Variants in TMEM131 observed in about 807,000 individuals in gnomAD.
TMEM131 encodes the protein 2610524E03Rik.
TMEM131 carries 66 observed loss-of-function variants against 211.6 expected under a neutral mutation model. That is an observed-to-expected ratio of 0.31 (90% confidence interval 0.26 to 0.38). The LOEUF is 0.38. Among genes scored for constraint, TMEM131 ranks in the 10% least tolerant of loss-of-function variants. The pLI, the probability that TMEM131 is intolerant of heterozygous loss-of-function variation, is 1.00. For synonymous variants in TMEM131, 844 were observed against 841.3 expected (o/e 1.00, Z -0.06); for missense variants, 2,036 against 2,299.3 (o/e 0.89, Z 2.34).
intron 1 of TMEM131, among the ~76,000 whole-genome samples, chr2:97,928,908 C>T (rs1362953635): frequency 1.3e-5 from 2 of 151,680 alleles, no homozygotes; most frequent in African/African-American, 4.9e-5. Flanking sequence ...GAAACATATA[C>T]ATTATTACAT....
At chr2:97,827,275 G>C in intron 11 of TMEM131, 4 of 782,358 alleles carry the variant, frequency 5.1e-6, no homozygotes, top group Non-Finnish European at 9.5e-6. Context: ...CAGCTCCGCT[G>C]AAGCCGCTGC....
intron 2 of TMEM131, among the ~76,000 whole-genome samples, chr2:97,921,342 A>G (rs1388253345): frequency 6.6e-6 from 1 of 152,238 alleles, no homozygotes; most frequent in African/African-American, 2.4e-5. Flanking sequence ...CATCAATAAC[A>G]AAAATTTATT....
chr2:97,765,514 T>C (rs918075356), intron 35 of TMEM131, among the ~76,000 whole-genome samples: 2 of 152,208 alleles, frequency 1.3e-5, no homozygotes, highest in Non-Finnish European at 2.9e-5. Flanking sequence ...GCTGCTCCCT[T>C]TTCTGGTCTC....
chr2:97,950,323 C>T (rs1289219088), intron 1 of TMEM131, among the ~76,000 whole-genome samples: 4 of 152,180 alleles, frequency 2.6e-5, no homozygotes, highest in East Asian at 1.9e-4. Context: ...TAAAAAGCTA[C>T]GTACCTAAGA....
chr2:97,873,434 C>T (rs1333617773), intron 4 of TMEM131, among the ~76,000 whole-genome samples: 2 of 152,200 alleles, frequency 1.3e-5, no homozygotes, highest in Non-Finnish European at 2.9e-5. Flanking sequence ...GGGTCCCTGA[C>T]CGCCGTGTAT....
chr2:97,964,291 G>C (rs1367212693), intron 1 of TMEM131, among the ~76,000 whole-genome samples: 2 of 152,174 alleles, frequency 1.3e-5, no homozygotes, highest in Admixed American at 6.5e-5. Context: ...TTTTATACTG[G>C]ATTTATTCAA....
chr2:97,920,161 C>T (rs574598102), intron 2 of TMEM131, among the ~76,000 whole-genome samples: 1 of 152,338 alleles, frequency 6.6e-6, no homozygotes, highest in African/African-American at 2.4e-5. Context: ...GCATCACAGT[C>T]TGAGACTCTC....
Position 97,762,176 on chromosome 2 carries a change from GA to G in TMEM131, c.4747del (p.Ser1583LeufsTer11). The G allele has an allele frequency of 6.2e-7, 1 of 1,614,016 alleles. No homozygotes were observed. The highest frequency in any genetic ancestry group is 8.5e-7 in the Non-Finnish European group (1 of 1,179,878). ...AATGTCTGCGTTGAGGGTTTGCAGAGAAAGTTTATAAAGACTATCAGTAGCT... is the reference window on the plus strand; with the variant it reads ...AATGTCTGCGTTGAGGGTTTGCAGAGAAGTTTATAAAGACTATCAGTAGCT... The part of the protein sequence containing the change: ...GSSTDSLYKL[S>X]LQTLNADIFL... On this transcript the variant is annotated frameshift_variant, in exon 36 of 41. Coordinates refer to ENST00000186436, the MANE Select transcript of TMEM131 (RefSeq NM_015348.2). LOFTEE classifies it high-confidence loss of function.
chr2:97,805,923 G>A (rs1005220202), intron 19 of TMEM131, among the ~76,000 whole-genome samples: 7 of 152,262 alleles, frequency 4.6e-5, no homozygotes, highest in Admixed American at 2.0e-4. Context: ...AAATCAGGAG[G>A]ACAAATCTTT....
intron 4 of TMEM131, among the ~76,000 whole-genome samples, chr2:97,875,701 G>A (rs1477107801): frequency 5.3e-5 from 8 of 152,136 alleles, no homozygotes; most frequent in Non-Finnish European, 1.2e-4. Context: ...CAGAATCTCT[G>A]GGACACATTC....
At chr2:97,927,270 G>A (rs1385579455) in intron 2 of TMEM131, 156 bp downstream of exon 2, 3 of 464,772 alleles carry the variant, frequency 6.5e-6, no homozygotes, top group African/African-American at 4.0e-5. Flanking sequence ...CGTAACTACA[G>A]AGGTTTTTAT....
At chr2:97,932,262 T>TAAA (rs1350776451) in intron 1 of TMEM131, among the ~76,000 whole-genome samples, 1 of 152,234 alleles carries the variant, frequency 6.6e-6, no homozygotes, top group Admixed American at 6.5e-5. Context: ...AATAGCAATT[T>TAAA]TAAAACATCC....
intron 1 of TMEM131, among the ~76,000 whole-genome samples, chr2:97,983,180 G>GT (rs1342445331): frequency 6.6e-6 from 1 of 152,048 alleles, no homozygotes; most frequent in East Asian, 1.9e-4. Flanking sequence ...AATTACTTTT[G>GT]TTTTTTGTTA....
chr2:97,817,312 G>A (rs1681875698), intron 12 of TMEM131, among the ~76,000 whole-genome samples: 1 of 152,170 alleles, frequency 6.6e-6, no homozygotes, highest in Admixed American at 6.5e-5. Flanking sequence ...TCCTGGCTGG[G>A]TGCAGTGCCT....
chr2:97,766,224 G>A lies in TMEM131; in HGVS notation c.4613C>T (p.Ala1538Val). 1 of 1,614,054 alleles carries A rather than the reference G, an allele frequency of 6.2e-7. No individual in the cohort carries two copies. The highest frequency in any genetic ancestry group is 8.5e-7 in the Non-Finnish European group (1 of 1,179,894). Residue 1538 changes from alanine (A) to valine (V), a missense_variant, in exon 35 of 41, where the codon GCA (alanine) becomes GTA (valine). Coordinates refer to ENST00000186436, the MANE Select transcript of TMEM131 (RefSeq NM_015348.2). ...KLVDNRPPAL[A>V]KFLPNSQELG... ...TTCTTGACTATTCGGGAGGAATTTT[G>A]CTAGGGCAGGTGGTCTGTTATCCAC...
rs565296068 is a variant in TMEM131, at chr2:97,838,772, T to G, written c.724-1615A>C. On this transcript the variant is annotated intron_variant, in intron 7 of 40. Transcript: ENST00000186436. ...AAAGGTTTTTTTTGTTTGTTTGTTT[T>G]TTTGGCAGGGGCCGGGGAGTTGCTG... Among the ~76,000 whole-genome samples, 7 of 152,264 alleles carry G rather than the reference T, an allele frequency of 4.6e-5. No individual in the cohort carries two copies. In the East Asian group the frequency reaches 5.8e-4, roughly 13 times the overall value.
chr2:97,943,442 T>C (rs749365412), intron 1 of TMEM131, among the ~76,000 whole-genome samples: 11 of 152,110 alleles, frequency 7.2e-5, no homozygotes, highest in Non-Finnish European at 1.3e-4. Context: ...TAGAAACATA[T>C]ACAAAGGATT....
chr2:97,980,768 C>T (rs1183730727), intron 1 of TMEM131, among the ~76,000 whole-genome samples: 1 of 152,032 alleles, frequency 6.6e-6, no homozygotes, highest in Non-Finnish European at 1.5e-5. Context: ...TTGGAAGAAT[C>T]TCAAGTGTCT....
intron 4 of TMEM131, among the ~76,000 whole-genome samples, chr2:97,881,254 T>C (rs531147227): frequency 0.018 from 2,750 of 152,110 alleles, 24 homozygotes; most frequent in Middle Eastern, 0.065. Flanking sequence ...TTTTTTTTTT[T>C]TTGAGACAGG....
Sources: gnomAD v4.1 joint callset for allele counts (sites outside exome capture counted in the v4.1 genomes callset) on GRCh38, gnomAD v4.1.1 for gene constraint, MANE v1.5 for transcripts, NCBI Gene and HGNC (gene_info 2026-07-23, HGNC 2026-07-21) for gene names.